The following PPME1 variants were observed in gnomAD, a reference collection of about 807,000 sequenced individuals.
PPME1 encodes protein phosphatase methylesterase 1, also known as testicular secretory protein Li 39.
A neutral mutation model predicts 56.9 loss-of-function variants in PPME1; 17 were observed. That is an observed-to-expected ratio of 0.30 (90% CI 0.20 to 0.45). PPME1 has a LOEUF of 0.45. Ranked by LOEUF, PPME1 falls within the 20% of genes least tolerant of loss-of-function variation. The pLI is 1.00. For missense variants in PPME1, 357 were observed against 483.2 expected, an observed-to-expected ratio of 0.74 and a Z score of 2.45; for synonymous variants, 122 against 156.2, an observed-to-expected ratio of 0.78 and a Z score of 1.63.
chr11:74,177,160 A>G (rs920145560), intron 1 of PPME1, among the ~76,000 whole-genome samples: 6 of 152,134 alleles, frequency 3.9e-5, no homozygotes, highest in African/African-American at 7.2e-5. Flanking sequence ...AAATTTCACT[A>G]CAATAAAGAA....
intron 3 of PPME1, among the ~76,000 whole-genome samples, chr11:74,212,712 C>T (rs1443424912): frequency 6.6e-6 from 1 of 152,010 alleles, no homozygotes; most frequent in Non-Finnish European, 1.5e-5. Flanking sequence ...CCATTCCAGG[C>T]CCTAATTCCC....
intron 11 of PPME1, chr11:74,248,019 T>G (rs997283114): frequency 6.6e-6 from 1 of 152,574 alleles, no homozygotes; most frequent in Non-Finnish European, 1.5e-5. Context: ...ATGAAAAAAC[T>G]GATGGCAGCC....
chr11:74,231,127 AG>A, intron 7 of PPME1, 125 bp downstream of exon 7: 1 of 758,720 alleles, frequency 1.3e-6, no homozygotes, highest in Non-Finnish European at 2.2e-6. Flanking sequence ...GCATGATCCT[AG>A]CTCACTGCAA....
intron 8 of PPME1, among the ~76,000 whole-genome samples, chr11:74,237,518 G>A (rs544288357): frequency 4.9e-4 from 74 of 151,166 alleles, no homozygotes; most frequent in Non-Finnish European, 1.0e-3. Context: ...CTCATGATCC[G>A]CCCACCTCGG....
intron 1 of PPME1, among the ~76,000 whole-genome samples, chr11:74,199,554 A>G (rs1277196359): frequency 6.6e-6 from 1 of 152,168 alleles, no homozygotes; most frequent in Non-Finnish European, 1.5e-5. Context: ...AGTGCACTAC[A>G]GCCTTGAACT....
In PPME1 at chr11:74,211,933, G is replaced by A. The variant is rs983883309; in HGVS notation, c.288+7488G>A. 1.6e-4 allele frequency among the ~76,000 whole-genome samples: 24 copies of A among 152,056 alleles called. 1 individual carries two copies. Among genetic ancestry groups the A allele is most frequent in the African/African-American group, 4.6e-4 (19 of 41,396 alleles). Reference sequence around the variant, plus strand: ...AAAGAATAACACTTTTGAGAGGGGCGGCAGAGCAAGATGGTGAAATAGAAG... The same window carrying A: ...AAAGAATAACACTTTTGAGAGGGGCAGCAGAGCAAGATGGTGAAATAGAAG... On this transcript the variant is annotated intron_variant, in intron 3 of 13. Coordinates refer to ENST00000328257, the MANE Select transcript of PPME1 (RefSeq NM_016147.3).
chr11:74,217,053 A>T (rs1454309072), intron 3 of PPME1, among the ~76,000 whole-genome samples: 1 of 152,162 alleles, frequency 6.6e-6, no homozygotes, highest in African/African-American at 2.4e-5. Context: ...AAAAGAAATA[A>T]CACCAGTCCT....
At chr11:74,219,303 A>G (rs1382709497) in intron 3 of PPME1, among the ~76,000 whole-genome samples, 1 of 151,864 alleles carries the variant, frequency 6.6e-6, no homozygotes, top group Non-Finnish European at 1.5e-5. Flanking sequence ...AAATTAGTAA[A>G]GCCACTATGG....
chr11:74,188,392 G>C lies in PPME1; in HGVS notation c.102-15336G>C, dbSNP rs143719504. On this transcript the variant is annotated intron_variant, in intron 1 of 13. Transcript: ENST00000328257. ...AGTAAAGATGGGGTTTCACCATCTT[G>C]GCCAGACTGATCTTGAACTCCTGAC... 2.3e-4 allele frequency among the ~76,000 whole-genome samples: 35 copies of C among 151,734 alleles called. No individual in the cohort carries two copies. In the East Asian group the frequency reaches 5.8e-3, roughly 25 times the overall value.
chr11:74,173,607 TC>T (rs1857338166), intron 1 of PPME1, among the ~76,000 whole-genome samples: 1 of 152,236 alleles, frequency 6.6e-6, no homozygotes, highest in African/African-American at 2.4e-5. Context: ...AGTGGCACAA[TC>T]TCGGCTCACT....
chr11:74,183,909 C>T (rs1857604205), intron 1 of PPME1, among the ~76,000 whole-genome samples: 1 of 152,146 alleles, frequency 6.6e-6, no homozygotes, highest in Non-Finnish European at 1.5e-5. Context: ...GGAAACATCA[C>T]ATTTTCCCAA....
chr11:74,220,729 G>C (rs866362457), intron 3 of PPME1, among the ~76,000 whole-genome samples: 1 of 152,190 alleles, frequency 6.6e-6, no homozygotes, highest in Non-Finnish European at 1.5e-5. Context: ...TATTGTTGCA[G>C]TTATTGCTAA....
chr11:74,197,740 A>G (rs1259650354), intron 1 of PPME1, among the ~76,000 whole-genome samples: 1 of 152,216 alleles, frequency 6.6e-6, no homozygotes, highest in Non-Finnish European at 1.5e-5. Context: ...TGCTGGAAAT[A>G]GGTTGTTAAG....
At chr11:74,247,144 A>G (rs1859522807) in intron 11 of PPME1, 21 bp downstream of exon 11, 7 of 1,594,914 alleles carry the variant, frequency 4.4e-6, no homozygotes, top group East Asian at 2.2e-5. Flanking sequence ...AAGAAATTAT[A>G]CCCCTGGACC....
At chr11:74,184,163 A>G (rs1050080485) in intron 1 of PPME1, among the ~76,000 whole-genome samples, 11 of 152,190 alleles carry the variant, frequency 7.2e-5, no homozygotes, top group African/African-American at 2.2e-4. Context: ...TGCCTAGTAC[A>G]TATACATGTC....
In PPME1 at chr11:74,230,224, C is replaced by G; in HGVS notation, c.399-21C>G. 1 of 1,584,790 alleles carries G rather than the reference C, an allele frequency of 6.3e-7. No individual in the cohort carries two copies. The highest frequency in any genetic ancestry group is 8.6e-7 in the Non-Finnish European group (1 of 1,168,618). On this transcript the variant is annotated intron_variant, in intron 5 of 13. Coordinates refer to ENST00000328257, the MANE Select transcript of PPME1 (RefSeq NM_016147.3). This position sits in a 1 kb window ranked among gnomAD's most constrained non-coding sequence, Gnocchi z 4.9. ...GTGTTGTCAGAAAGCATTCTTAGAT[C>G]TTTTTCTCTTCTCTTTGCAGAGACG...
At chr11:74,204,118 G>A (rs1858255012) in intron 2 of PPME1, among the ~76,000 whole-genome samples, 1 of 151,730 alleles carries the variant, frequency 6.6e-6, no homozygotes, top group Non-Finnish European at 1.5e-5. Flanking sequence ...TAGAATCCAG[G>A]GGTTATGTCC....
Position 74,239,242 on chromosome 11 carries a change from G to A in PPME1, c.820G>A (p.Glu274Lys), listed in dbSNP as rs1322490220. Residue 274 changes from glutamate (E) to lysine (K), a missense_variant, in exon 9 of 14, where the codon GAA becomes AAA. By Grantham distance (56) the Glu-to-Lys change is moderately conservative (BLOSUM62 1). This residue lies in a region of PPME1 where 182 missense variants were observed against 293.8 expected (regional missense o/e 0.62). Coordinates refer to ENST00000328257, the MANE Select transcript of PPME1 (RefSeq NM_016147.3). ...GSESISKRKK[E>K]DDMETKKDHP... ...TGAGTCTATAAGCAAGAGGAAAAAG[G>A]AAGATGACATGGAGGTGGGTAAAAA... 1.2e-6 allele frequency: 2 copies of A among 1,613,216 alleles called. No homozygotes were observed. Among genetic ancestry groups the A allele is most frequent in the East Asian group, 2.2e-5 (1 of 44,834 alleles).
intron 1 of PPME1, among the ~76,000 whole-genome samples, chr11:74,174,452 T>A (rs1857360079): frequency 6.6e-6 from 1 of 152,198 alleles, no homozygotes; most frequent in Non-Finnish European, 1.5e-5. Context: ...TGTCTCCTTA[T>A]GCTTACTTGC....
Sources: allele counts gnomAD v4.1 joint callset (sites outside exome capture counted in the v4.1 genomes callset), GRCh38; gene constraint gnomAD v4.1.1; regional missense constraint gnomAD v4.1.1; non-coding constraint Gnocchi (gnomAD v3.1); transcripts MANE v1.5; gene names NCBI Gene and HGNC (gene_info 2026-07-23, HGNC 2026-07-21).